The following NRDC variants were observed in gnomAD, a reference collection of about 807,000 sequenced individuals.
NRDC encodes the protein nardilysin convertase.
In NRDC, 54 loss-of-function variants were observed where a neutral mutation model predicts 147.1. The ratio of observed to expected loss-of-function variants is 0.37; its 90% CI spans 0.29 to 0.46. The LOEUF is 0.46. Ranked by LOEUF, NRDC falls within the 20% of genes least tolerant of loss-of-function variation. The pLI, the probability that NRDC is intolerant of heterozygous loss-of-function variation, is 1.00. For synonymous variants in NRDC, 440 were observed against 482.1 expected (o/e 0.91, Z 1.14); for missense variants, 1,082 against 1,370.6 (o/e 0.79, Z 3.33).
chr1:51,865,429 C>A (rs1379490670), intron 1 of NRDC, among the ~76,000 whole-genome samples: 4 of 151,756 alleles, frequency 2.6e-5, no homozygotes, highest in African/African-American at 9.7e-5. Flanking sequence ...CTCAGCCTCC[C>A]GAGTAGCCAG....
chr1:51,822,825 T>G (rs959080793), intron 7 of NRDC, among the ~76,000 whole-genome samples: 1 of 152,210 alleles, frequency 6.6e-6, no homozygotes, highest in Admixed American at 6.5e-5. Flanking sequence ...TCAACTTTAG[T>G]GAACTCATTT....
At chr1:51,810,674 G>A (rs1679675095) in intron 15 of NRDC, among the ~76,000 whole-genome samples, 2 of 152,142 alleles carry the variant, frequency 1.3e-5, no homozygotes. Context: ...AACAGCATTA[G>A]CAGTAAAAAT....
At chr1:51,837,078 G>C (rs1056177512) in intron 2 of NRDC, among the ~76,000 whole-genome samples, 1 of 151,332 alleles carries the variant, frequency 6.6e-6, no homozygotes, top group Non-Finnish European at 1.5e-5. Flanking sequence ...CACTGCACCC[G>C]AACTATTGGG....
intron 1 of NRDC, among the ~76,000 whole-genome samples, chr1:51,865,407 C>G (rs563217754): frequency 6.6e-6 from 1 of 151,672 alleles, no homozygotes; most frequent in Non-Finnish European, 1.5e-5. Context: ...CGGGTTCAAG[C>G]GATACTCCCA....
At chr1:51,875,070 A>G (rs919495944) in intron 1 of NRDC, among the ~76,000 whole-genome samples, 1 of 152,230 alleles carries the variant, frequency 6.6e-6, no homozygotes, top group Non-Finnish European at 1.5e-5. Context: ...CACAGAGGGA[A>G]TATCTCAGCA....
At chr1:51,851,098 G>T (rs544370301) in intron 1 of NRDC, among the ~76,000 whole-genome samples, 3 of 152,140 alleles carry the variant, frequency 2.0e-5, no homozygotes, top group Non-Finnish European at 4.4e-5. Flanking sequence ...ACAGATCCGT[G>T]TATTTGGCAG....
At chr1:51,811,803 T>A (rs1030258989) in intron 15 of NRDC, among the ~76,000 whole-genome samples, 191 bp downstream of exon 15, 1 of 152,300 alleles carries the variant, frequency 6.6e-6, no homozygotes, top group Non-Finnish European at 1.5e-5. Flanking sequence ...CTCCTTATAT[T>A]AAAACTTAAT....
At chr1:51,822,606 T>C (rs1680259416) in intron 7 of NRDC, among the ~76,000 whole-genome samples, 1 of 152,200 alleles carries the variant, frequency 6.6e-6, no homozygotes, top group Non-Finnish European at 1.5e-5. Flanking sequence ...AGCTCTTATA[T>C]CTGCCATCAT....
intron 22 of NRDC, among the ~76,000 whole-genome samples, chr1:51,796,886 A>G (rs1338664488): frequency 7.1e-6 from 1 of 140,424 alleles, no homozygotes; most frequent in Admixed American, 7.0e-5. Flanking sequence ...GCGCCTGGCC[A>G]ATCTCAACCA....
At chr1:51,835,148 G>A (rs1571882408) in intron 3 of NRDC, among the ~76,000 whole-genome samples, 2 of 151,400 alleles carry the variant, frequency 1.3e-5, no homozygotes, top group Admixed American at 1.3e-4. Context: ...TGCAACCTCC[G>A]CCTCTTGGAT....
chr1:51,855,158 T>G (rs1394571071), intron 1 of NRDC, among the ~76,000 whole-genome samples: 4 of 152,224 alleles, frequency 2.6e-5, no homozygotes, highest in African/African-American at 9.7e-5. Flanking sequence ...ACCCTCCATG[T>G]ATGGTTTATG....
intron 10 of NRDC, 139 bp downstream of exon 10, chr1:51,817,927 G>A: frequency 1.6e-6 from 1 of 617,408 alleles, no homozygotes; most frequent in East Asian, 3.2e-5. Context: ...AGGCTTGAAA[G>A]CTCCCGGAGT....
In NRDC at chr1:51,843,311, T is replaced by TA. The variant is rs11326967; in HGVS notation, c.342-2798dup. 1.8e-3 allele frequency among the ~76,000 whole-genome samples: 250 copies of TA among 139,452 alleles called. No homozygotes were observed. In the Middle Eastern group the frequency reaches 0.04, roughly 22 times the overall value. 91.5% of individuals were successfully genotyped at this position (139,452 alleles called of 152,430 possible). ...AATTTACTCCAAAGACAAAAAAGGT[T>TA]AAAAAAAAAAAAAAAAAACCCAACC... On this transcript the variant is annotated intron_variant, in intron 1 of 30. Coordinates refer to ENST00000352171, the MANE Select transcript of NRDC (RefSeq NM_001101662.2).
At chr1:51,854,122 C>A (rs1238005156) in intron 1 of NRDC, among the ~76,000 whole-genome samples, 3 of 152,184 alleles carry the variant, frequency 2.0e-5, no homozygotes, top group African/African-American at 7.2e-5. Flanking sequence ...GTAATCCCAG[C>A]ACTTTGGGAG....
rs548429238 is a variant in NRDC at position 51,821,683 on chromosome 1, C to T, written c.1160-128G>A. On this transcript the variant is annotated intron_variant, in intron 7 of 30. Coordinates refer to ENST00000352171, the MANE Select transcript of NRDC (RefSeq NM_001101662.2). The stretch of plus-strand genomic sequence containing the variant: ...GATATTTTAATTTGGCCATTACTTG[C>T]CACTCCTGAACCAGTAATGGATGAA... 72 of 663,842 alleles carry T rather than the reference C, an allele frequency of 1.1e-4. 2 individuals carry two copies. The South Asian group carries it at 1.3e-3, about 12-fold the overall frequency. 41.1% of individuals were successfully genotyped at this position (663,842 alleles called of 1,614,324 possible). A position where few individuals can be genotyped will look rare whatever the true frequency, so the allele number is the denominator to read the frequency against.
intron 1 of NRDC, among the ~76,000 whole-genome samples, chr1:51,868,741 G>A (rs879496705): frequency 4.1e-4 from 63 of 152,084 alleles, no homozygotes; most frequent in African/African-American, 1.3e-3. Context: ...GTGTGGTGGT[G>A]CGTGCCTGTC....
intron 1 of NRDC, among the ~76,000 whole-genome samples, chr1:51,873,710 C>T (rs1557944187): frequency 6.6e-6 from 1 of 151,380 alleles, no homozygotes; most frequent in African/African-American, 2.4e-5. Context: ...AGGGTTTCAC[C>T]ATGTTGGCCA....
Position 51,840,333 on chromosome 1 carries a change from C to T in NRDC, c.523G>A (p.Glu175Lys). 1 of 1,537,134 alleles carries T rather than the reference C, an allele frequency of 6.5e-7. No homozygotes were observed. Among genetic ancestry groups the T allele is most frequent in the Admixed American group, 1.7e-5 (1 of 59,508 alleles). The change falls in exon 2 of 31, where the codon GAA (glutamate) becomes AAA (lysine). Residue 175 changes from glutamate (E) to lysine (K), a missense_variant. This residue lies in a region of NRDC where 260 missense variants were observed against 253.2 expected (regional missense o/e 1.03). Transcript: ENST00000352171. ...EDDDEEGFDD[E>K]DEFDDEHDDD... ...TCATGTTCATCATCAAACTCATCTTCATCATCAAAACCCTCTTCATCGTCA... is the reference window on the plus strand; with the variant it reads ...TCATGTTCATCATCAAACTCATCTTTATCATCAAAACCCTCTTCATCGTCA...
chr1:51,800,490 C>A, intron 21 of NRDC, 66 bp downstream of exon 21: 1 of 1,570,486 alleles, frequency 6.4e-7, no homozygotes, highest in South Asian at 1.2e-5. Flanking sequence ...AACCCCCACA[C>A]CCACCCACTA....
Sources: gnomAD v4.1 joint callset for allele counts (sites outside exome capture counted in the v4.1 genomes callset) on GRCh38, gnomAD v4.1.1 for gene constraint, gnomAD v4.1.1 regional missense constraint, MANE v1.5 for transcripts, NCBI Gene and HGNC (gene_info 2026-07-23, HGNC 2026-07-21) for gene names.